The following DNMBP variants were observed in gnomAD, a reference collection of about 807,000 sequenced individuals.
The protein encoded by DNMBP is dynamin-binding protein.
In DNMBP, 87 loss-of-function variants were observed where a neutral mutation model predicts 150.0. That is an observed-to-expected ratio of 0.58 (90% confidence interval 0.49 to 0.69). The LOEUF is 0.69. DNMBP is among the 30% of genes least tolerant of loss of function. DNMBP has a pLI of 0.00. For missense variants in DNMBP, 1,774 were observed against 1,949.0 expected, an observed-to-expected ratio of 0.91 and a Z score of 1.69; for synonymous variants, 711 against 750.4, an observed-to-expected ratio of 0.95 and a Z score of 0.86.
intron 4 of DNMBP, among the ~76,000 whole-genome samples, chr10:99,916,288 C>T (rs1050130635): frequency 2.6e-5 from 4 of 152,210 alleles, no homozygotes; most frequent in Non-Finnish European, 4.4e-5. Flanking sequence ...CATGGTGAAA[C>T]TCTGTCTCTA....
chr10:99,913,306 G>A (rs915697057), intron 4 of DNMBP, among the ~76,000 whole-genome samples: 2 of 152,112 alleles, frequency 1.3e-5, no homozygotes, highest in African/African-American at 4.8e-5. Context: ...TCTATAAAAT[G>A]AGGATAATAA....
intron 1 of DNMBP, among the ~76,000 whole-genome samples, chr10:99,985,480 T>C (rs1181654242): frequency 4.6e-5 from 7 of 151,660 alleles, no homozygotes; most frequent in Admixed American, 4.6e-4. Flanking sequence ...CAGGGGAGAG[T>C]ACCTACCTGG....
At chr10:99,914,913 G>A (rs1201048938) in intron 4 of DNMBP, among the ~76,000 whole-genome samples, 1 of 151,416 alleles carries the variant, frequency 6.6e-6, no homozygotes, top group Non-Finnish European at 1.5e-5. Context: ...TCAACATGGT[G>A]AAACCCCATC....
At chr10:99,883,638 CAAAAAAAA>C (rs71009782) in intron 15 of DNMBP, among the ~76,000 whole-genome samples, 2,128 of 65,586 alleles carry the variant, frequency 0.032, 21 homozygotes, top group South Asian at 0.066. Flanking sequence ...AAGACTGCCA[CAAAAAAAA>C]AAAAAAAAAA....
Position 99,894,931 on chromosome 10 carries a change from G to A in DNMBP, c.3156+15C>T. 1 of 1,561,518 alleles carries A rather than the reference G, an allele frequency of 6.4e-7. No individual in the cohort carries two copies. The highest frequency in any genetic ancestry group is 2.2e-5 in the East Asian group (1 of 44,604). On this transcript the variant is annotated intron_variant, in intron 11 of 16. Coordinates refer to ENST00000324109, the MANE Select transcript of DNMBP (RefSeq NM_015221.4). ...CATCGTATGTTAATCTAACTACAGT[G>A]ATGTTGATGCTCACCCGGATGTGCT...
intron 1 of DNMBP, among the ~76,000 whole-genome samples, chr10:99,976,405 G>C (rs188970504): frequency 1.3e-5 from 2 of 152,240 alleles, no homozygotes; most frequent in African/African-American, 4.8e-5. Context: ...ACACATTACT[G>C]TATTAAGCTG....
intron 1 of DNMBP, among the ~76,000 whole-genome samples, chr10:99,979,336 G>C (rs778814249): frequency 1.6e-4 from 25 of 152,170 alleles, no homozygotes; most frequent in Admixed American, 6.5e-5. Flanking sequence ...ATCTCAAAAG[G>C]AGACACTCAC....
intron 3 of DNMBP, among the ~76,000 whole-genome samples, chr10:99,959,516 C>CA (rs544247848): frequency 1.1e-4 from 17 of 151,382 alleles, no homozygotes; most frequent in African/African-American, 4.1e-4. Flanking sequence ...AAAAACCACC[C>CA]AAAAAAACAA....
At chr10:99,939,117 G>A (rs1274508329) in intron 4 of DNMBP, among the ~76,000 whole-genome samples, 1 of 151,070 alleles carries the variant, frequency 6.6e-6, no homozygotes, top group African/African-American at 2.4e-5. Context: ...GGAGAAAAGT[G>A]TGCCAAAAAA....
At chr10:99,943,126 A>G (rs529016701) in intron 4 of DNMBP, among the ~76,000 whole-genome samples, 6 of 152,248 alleles carry the variant, frequency 3.9e-5, no homozygotes, top group African/African-American at 1.4e-4. Context: ...CTCTACTAAA[A>G]ATACAAAAAT....
intron 16 of DNMBP, among the ~76,000 whole-genome samples, chr10:99,878,602 G>A (rs1425989025): frequency 1.3e-5 from 2 of 152,184 alleles, no homozygotes; most frequent in Non-Finnish European, 2.9e-5. Flanking sequence ...CTGAGAAAGT[G>A]GGTAAAAACT....
At chr10:99,913,941 C>G (rs749199074) in intron 4 of DNMBP, 107 of 1,372,256 alleles carry the variant, frequency 7.8e-5, no homozygotes, top group Admixed American at 2.6e-4. Flanking sequence ...GCTCCCACAC[C>G]CCAGGACCTA....
rs545134306 is a variant in DNMBP at position 99,953,236 on chromosome 10, T to G, written c.2260+1978A>C. Among the ~76,000 whole-genome samples the G allele has an allele frequency of 2.6e-5, 4 of 152,190 alleles. No homozygotes were observed. In the South Asian group the frequency reaches 8.3e-4, roughly 32 times the overall value. On this transcript the variant is annotated intron_variant, in intron 4 of 16. Coordinates refer to ENST00000324109, the MANE Select transcript of DNMBP (RefSeq NM_015221.4). ...CTTAAATCCCAACTCCCTTGGCAAG[T>G]CACTTAATCTCTTTTCAAATTTAAT...
At position 100,001,410 on chromosome 10, in the gene DNMBP, G is replaced by GTTTTT. The variant is rs1346291816; in HGVS notation, c.-11+8427_-11+8428insAAAAA. The stretch of plus-strand genomic sequence containing the variant: ...ACAATTGTGATGGGGTTTTGTTGTT[G>GTTTTT]TTGTTTTTTTTTTTTTTTTGAGACA... On this transcript the variant is annotated intron_variant, in intron 1 of 16. Transcript: ENST00000324109. Among the ~76,000 whole-genome samples, 28 of 96,376 alleles carry GTTTTT rather than the reference G, an allele frequency of 2.9e-4. 2 individuals carry two copies. Among genetic ancestry groups the GTTTTT allele is most frequent in the East Asian group, 1.2e-3 (3 of 2,582 alleles). 63.2% of individuals were successfully genotyped at this position (96,376 alleles called of 152,430 possible). A position where few individuals can be genotyped will look rare whatever the true frequency, so the allele number is the denominator to read the frequency against.
At chr10:99,997,647 T>A (rs920909721) in intron 1 of DNMBP, among the ~76,000 whole-genome samples, 7 of 151,748 alleles carry the variant, frequency 4.6e-5, no homozygotes, top group South Asian at 2.1e-4. Flanking sequence ...AAGCAAAAAA[T>A]TTAAATTTAA....
At chr10:99,944,848 C>T (rs1173069179) in intron 4 of DNMBP, among the ~76,000 whole-genome samples, 1 of 152,092 alleles carries the variant, frequency 6.6e-6, no homozygotes, top group Non-Finnish European at 1.5e-5. Flanking sequence ...TAATACTGGA[C>T]TTTTTATTTC....
intron 4 of DNMBP, among the ~76,000 whole-genome samples, chr10:99,917,515 T>C (rs1019314874): frequency 6.6e-6 from 1 of 152,204 alleles, no homozygotes; most frequent in Non-Finnish European, 1.5e-5. Flanking sequence ...ATAATATTGC[T>C]ATGACAAAGA....
At chr10:99,878,436 C>T (rs192721958) in intron 16 of DNMBP, among the ~76,000 whole-genome samples, 2 of 152,340 alleles carry the variant, frequency 1.3e-5, no homozygotes, top group East Asian at 3.9e-4. Context: ...AAAGGTCCTT[C>T]TTTTCCCTTT....
intron 1 of DNMBP, among the ~76,000 whole-genome samples, chr10:99,993,717 G>A (rs900697022): frequency 2.0e-5 from 3 of 151,996 alleles, no homozygotes; most frequent in East Asian, 3.9e-4. Flanking sequence ...TGGAAGGATC[G>A]CTTAAGCCTG....
Sources: gnomAD v4.1 joint callset for allele counts (sites outside exome capture counted in the v4.1 genomes callset) on GRCh38, gnomAD v4.1.1 for gene constraint, MANE v1.5 for transcripts, NCBI Gene and HGNC (gene_info 2026-07-23, HGNC 2026-07-21) for gene names.